DAB1: variants seen among roughly 807,000 people sequenced by gnomAD.
The protein encoded by DAB1 is DAB adaptor protein 1.
A neutral mutation model predicts 64.6 loss-of-function variants in DAB1; 15 were observed. The ratio of observed to expected loss-of-function variants is 0.23; its 90% CI spans 0.16 to 0.36. The LOEUF is 0.36. Among genes scored for constraint, DAB1 ranks in the 10% least tolerant of loss-of-function variants. The probability of loss-of-function intolerance (pLI) is 1.00; values close to 1 mark genes in which losing one functional copy is unlikely to be tolerated. For synonymous variants in DAB1, 235 were observed against 251.9 expected, an observed-to-expected ratio of 0.93 and a Z score of 0.64; for missense variants, 596 against 706.7, an observed-to-expected ratio of 0.84 and a Z score of 1.78.
At chr1:57,532,136 G>A (rs867087715) in intron 7 of DAB1, among the ~76,000 whole-genome samples, 2 of 152,116 alleles carry the variant, frequency 1.3e-5, no homozygotes, top group Non-Finnish European at 2.9e-5. Context: ...ACTGAATTCA[G>A]TTTAAACTGA....
In DAB1 at chr1:57,744,528, C is replaced by T. The variant is rs563450080; in HGVS notation, n.552-94863G>A. ...AATATATCGGCAAACGAAGAACTGG[C>T]ACCATTCTAAGTACTTGTAATTTAA... On this transcript the variant is annotated intron_variant and non_coding_transcript_variant, in intron 6 of 20. Transcript: ENST00000485760. 4.0e-5 allele frequency among the ~76,000 whole-genome samples: 6 copies of T among 151,818 alleles called. No homozygotes were observed. The East Asian group carries it at 1.2e-3, about 29-fold the overall frequency.
At chr1:57,755,046 A>C (rs1648739892) in intron 6 of DAB1, among the ~76,000 whole-genome samples, 3 of 152,202 alleles carry the variant, frequency 2.0e-5, no homozygotes, top group Non-Finnish European at 4.4e-5. Context: ...TCAAACACAC[A>C]ATAAAACAGA....
intron 2 of DAB1, among the ~76,000 whole-genome samples, chr1:57,210,392 T>G (rs1665908260): frequency 6.6e-6 from 1 of 152,044 alleles, no homozygotes; most frequent in Admixed American, 6.5e-5. Flanking sequence ...ATGATGAAAC[T>G]CAAAAATAAT....
At chr1:57,473,334 C>A (rs1687207832) in intron 7 of DAB1, among the ~76,000 whole-genome samples, 1 of 152,174 alleles carries the variant, frequency 6.6e-6, no homozygotes, top group African/African-American at 2.4e-5. Flanking sequence ...TGATTGCCGC[C>A]CTTCTCTGTA....
chr1:57,310,120 A>G (rs895697680), intron 1 of DAB1, among the ~76,000 whole-genome samples: 4 of 152,218 alleles, frequency 2.6e-5, no homozygotes, highest in Non-Finnish European at 5.9e-5. Flanking sequence ...TGGACAATAA[A>G]TCAATCAAGT....
chr1:57,104,654 C>G (rs918037141), intron 4 of DAB1, among the ~76,000 whole-genome samples: 1 of 152,118 alleles, frequency 6.6e-6, no homozygotes, highest in African/African-American at 2.4e-5. Context: ...CTAGTGTACT[C>G]ACAAGACGGG....
At chr1:58,003,019 T>C (rs1646530055) in intron 5 of DAB1, among the ~76,000 whole-genome samples, 1 of 152,220 alleles carries the variant, frequency 6.6e-6, no homozygotes, top group African/African-American at 2.4e-5. Flanking sequence ...TTGTTATGAA[T>C]ATGAATATCA....
intron 3 of DAB1, among the ~76,000 whole-genome samples, chr1:58,364,448 A>C (rs1027080194): frequency 1.3e-5 from 2 of 152,228 alleles, no homozygotes; most frequent in Non-Finnish European, 2.9e-5. Flanking sequence ...ATGTGTTTTC[A>C]TAGTCCGAAT....
chr1:58,080,556 A>G (rs1649933957), intron 5 of DAB1, among the ~76,000 whole-genome samples: 1 of 152,240 alleles, frequency 6.6e-6, no homozygotes, highest in Admixed American at 6.5e-5. Flanking sequence ...AGCCAGAGTA[A>G]GAGAGAAAAG....
At chr1:58,545,811 C>T (rs1259749202) in intron 1 of DAB1, among the ~76,000 whole-genome samples, 4 of 152,164 alleles carry the variant, frequency 2.6e-5, no homozygotes, top group African/African-American at 9.7e-5. Context: ...AAAAATAGGA[C>T]ATGTACTTTA....
chr1:57,211,281 C>T (rs568198740), intron 2 of DAB1, among the ~76,000 whole-genome samples: 1 of 152,336 alleles, frequency 6.6e-6, no homozygotes, highest in East Asian at 1.9e-4. Context: ...AAGTACTAAA[C>T]TGCTGCGGTC....
intron 5 of DAB1, among the ~76,000 whole-genome samples, chr1:58,076,603 A>G (rs1309929904): frequency 1.3e-5 from 2 of 152,228 alleles, no homozygotes; most frequent in South Asian, 4.1e-4. Context: ...GACTTGCCCA[A>G]GGTTTCCTAA....
intron 5 of DAB1, among the ~76,000 whole-genome samples, chr1:57,999,308 G>C (rs941954232): frequency 6.6e-6 from 1 of 152,184 alleles, no homozygotes; most frequent in Non-Finnish European, 1.5e-5. Flanking sequence ...AGTGGTTCTC[G>C]AAGTGTGTCC....
intron 3 of DAB1, among the ~76,000 whole-genome samples, chr1:58,495,470 A>C (rs1004038448): frequency 6.6e-6 from 1 of 152,072 alleles, no homozygotes; most frequent in Non-Finnish European, 1.5e-5. Flanking sequence ...CATGCCACTT[A>C]AATTTTATTT....
chr1:57,824,857 A>G (rs2101898637), downstream of DAB1, among the ~76,000 whole-genome samples: 1 of 152,274 alleles, frequency 6.6e-6, no homozygotes, highest in Admixed American at 6.5e-5. Context: ...GAGATTCACA[A>G]CCTCACAGTT....
chr1:58,152,565 G>A (rs561544274), intron 4 of DAB1, among the ~76,000 whole-genome samples: 1 of 152,306 alleles, frequency 6.6e-6, no homozygotes, highest in Non-Finnish European at 1.5e-5. Flanking sequence ...TCTGCAAAAT[G>A]GGGAGAATGA....
At chr1:57,625,909 G>A (rs1392073027) in intron 7 of DAB1, among the ~76,000 whole-genome samples, 1 of 152,044 alleles carries the variant, frequency 6.6e-6, no homozygotes, top group African/African-American at 2.4e-5. Flanking sequence ...AAAAAGCTGG[G>A]TCGAACCTTT....
intron 3 of DAB1, among the ~76,000 whole-genome samples, chr1:58,454,771 C>T (rs12096066): frequency 0.017 from 2,631 of 152,250 alleles, 80 homozygotes; most frequent in African/African-American, 0.06. Context: ...AAACAATTCT[C>T]CACACTCAGT....
At chr1:57,915,441 G>A (rs1014366905) in intron 5 of DAB1, among the ~76,000 whole-genome samples, 12 of 152,132 alleles carry the variant, frequency 7.9e-5, no homozygotes, top group Non-Finnish European at 8.8e-5. Flanking sequence ...CTTGTCTCCC[G>A]TGGGACATGG....
Sources: gnomAD v4.1 joint callset for allele counts (sites outside exome capture counted in the v4.1 genomes callset) on GRCh38, gnomAD v4.1.1 for gene constraint, MANE v1.5 for transcripts, NCBI Gene and HGNC (gene_info 2026-07-23, HGNC 2026-07-21) for gene names.